The following RAB3C variants were observed in gnomAD, a reference collection of about 807,000 sequenced individuals.
RAB3C encodes the protein RAB3C, member RAS oncogene family.
Under a neutral mutation model 26.4 loss-of-function variants are expected in RAB3C, and 17 were observed. The observed-to-expected ratio is 0.64, with a 90% CI of 0.44 to 0.97. The LOEUF (loss-of-function observed/expected upper bound fraction) is 0.97. Ranked by LOEUF, RAB3C falls within the 50% of genes least tolerant of loss-of-function variation. The pLI, the probability that RAB3C is intolerant of heterozygous loss-of-function variation, is 0.00. For missense variants in RAB3C, 242 were observed against 281.9 expected, an observed-to-expected ratio of 0.86 and a Z score of 1.01; for synonymous variants, 91 against 95.9, an observed-to-expected ratio of 0.95 and a Z score of 0.30.
At chr5:58,634,846 G>A (rs912229398) in intron 2 of RAB3C, among the ~76,000 whole-genome samples, 7 of 152,160 alleles carry the variant, frequency 4.6e-5, no homozygotes, top group Non-Finnish European at 7.3e-5. Context: ...CTGAAGCAGT[G>A]TAGTAACAAT....
At chr5:58,592,346 T>C (rs941577773) in intron 1 of RAB3C, among the ~76,000 whole-genome samples, 12 of 152,232 alleles carry the variant, frequency 7.9e-5, no homozygotes, top group African/African-American at 2.9e-4. Flanking sequence ...TGCTATGATA[T>C]AATTTCATTT....
At chr5:58,650,368 AAG>A (rs1375878613) in intron 2 of RAB3C, among the ~76,000 whole-genome samples, 3 of 152,172 alleles carry the variant, frequency 2.0e-5, no homozygotes, top group African/African-American at 7.2e-5. Context: ...AGACAGTAAA[AAG>A]AGGGAAGGGA....
In RAB3C at chr5:58,853,454, C is replaced by G. The variant is rs1423702405; in HGVS notation, c.*2103C>G. On this transcript the variant is annotated 3_prime_UTR_variant, in exon 5 of 5. Transcript: ENST00000282878. ...AGAAAGAATATTCTGATGGCTTTTT[C>G]AGAAGGAAGGACCTTGATGTGTGTA... 6.6e-6 allele frequency: 1 copy of G among 152,120 alleles called. No individual in the cohort carries two copies. Among genetic ancestry groups the G allele is most frequent in the Admixed American group, 6.5e-5 (1 of 15,272 alleles). The allele number at this position is 152,120 out of a possible 1,614,324, so 9.4% of individuals were successfully genotyped here.
At chr5:58,654,104 G>A (rs1747713456) in intron 2 of RAB3C, among the ~76,000 whole-genome samples, 1 of 151,962 alleles carries the variant, frequency 6.6e-6, no homozygotes, top group Non-Finnish European at 1.5e-5. Flanking sequence ...TCTTCAGGTG[G>A]CACTTTTTGT....
At chr5:58,684,648 A>G (rs979726139) in intron 2 of RAB3C, among the ~76,000 whole-genome samples, 1 of 152,218 alleles carries the variant, frequency 6.6e-6, no homozygotes, top group Non-Finnish European at 1.5e-5. Context: ...TGAATTTAGC[A>G]GCTCATATAG....
intron 1 of RAB3C, among the ~76,000 whole-genome samples, chr5:58,611,060 T>C (rs1746690069): frequency 6.6e-6 from 1 of 152,118 alleles, no homozygotes; most frequent in African/African-American, 2.4e-5. Flanking sequence ...TCCAGCTCCA[T>C]CCCATGTTCC....
At chr5:58,754,285 A>G (rs1050605595) in intron 3 of RAB3C, among the ~76,000 whole-genome samples, 2 of 152,220 alleles carry the variant, frequency 1.3e-5, no homozygotes, top group African/African-American at 4.8e-5. Flanking sequence ...GTCACTAAAT[A>G]ATGTATGTAA....
intron 2 of RAB3C, among the ~76,000 whole-genome samples, chr5:58,658,478 C>G (rs117775710): frequency 6.6e-6 from 1 of 152,142 alleles, no homozygotes. Flanking sequence ...TACTTTTAAA[C>G]AATCAATAGA....
intron 3 of RAB3C, among the ~76,000 whole-genome samples, chr5:58,817,924 C>A (rs1579935544): frequency 6.6e-6 from 1 of 152,222 alleles, no homozygotes; most frequent in Middle Eastern, 3.4e-3. Context: ...CCAAAGCTCC[C>A]AAATATTAAA....
chr5:58,831,076 C>T (rs1475630011), intron 4 of RAB3C, among the ~76,000 whole-genome samples: 2 of 152,100 alleles, frequency 1.3e-5, no homozygotes, highest in African/African-American at 4.8e-5. Flanking sequence ...AGGGTCTTCA[C>T]TATGTCACCC....
At chr5:58,804,849 T>G (rs1489033312) in intron 3 of RAB3C, among the ~76,000 whole-genome samples, 1 of 151,898 alleles carries the variant, frequency 6.6e-6, no homozygotes, top group Non-Finnish European at 1.5e-5. Flanking sequence ...TAATCAATAG[T>G]TTGTGCTAGT....
intron 3 of RAB3C, among the ~76,000 whole-genome samples, chr5:58,793,531 CAAA>C (rs55868904): frequency 1.4e-5 from 1 of 68,992 alleles, no homozygotes. Context: ...CACTCCACCT[CAAA>C]AAAAAAAAAA....
chr5:58,588,325 G>C (rs1411570294), intron 1 of RAB3C, among the ~76,000 whole-genome samples: 1 of 152,124 alleles, frequency 6.6e-6, no homozygotes, highest in African/African-American at 2.4e-5. Context: ...CACCAGCAAT[G>C]TATGAGAGAG....
intron 2 of RAB3C, among the ~76,000 whole-genome samples, chr5:58,684,234 G>A (rs1342902509): frequency 6.6e-6 from 1 of 152,194 alleles, no homozygotes; most frequent in Non-Finnish European, 1.5e-5. Flanking sequence ...TATCCAGGAG[G>A]ATCTGCGTAA....
intron 3 of RAB3C, among the ~76,000 whole-genome samples, chr5:58,737,636 A>G (rs1741179563): frequency 6.6e-6 from 1 of 151,878 alleles, no homozygotes; most frequent in South Asian, 2.1e-4. Flanking sequence ...TGAGAATTAT[A>G]TAAGACTGGA....
chr5:58,639,610 AC>A (rs768036702), intron 2 of RAB3C, among the ~76,000 whole-genome samples: 2 of 152,116 alleles, frequency 1.3e-5, no homozygotes, highest in Non-Finnish European at 2.9e-5. Flanking sequence ...AAGCCTGTTT[AC>A]CTTCCACAGG....
At chr5:58,668,217 T>C (rs191422980) in intron 2 of RAB3C, among the ~76,000 whole-genome samples, 151 of 152,302 alleles carry the variant, frequency 9.9e-4, no homozygotes, top group African/African-American at 3.4e-3. Flanking sequence ...GTTCCTTCCT[T>C]TCCTCTTCAG....
intron 3 of RAB3C, among the ~76,000 whole-genome samples, chr5:58,756,046 C>T (rs1361603809): frequency 6.6e-6 from 1 of 151,512 alleles, no homozygotes; most frequent in Non-Finnish European, 1.5e-5. Context: ...AGATAAGTTG[C>T]AAATATAAAA....
rs146298440 is a variant in RAB3C, at chr5:58,754,382, T to C, written c.371+28262T>C. Among the ~76,000 whole-genome samples the C allele has an allele frequency of 9.8e-4, 150 of 152,320 alleles. No homozygotes were observed. In the East Asian group the frequency reaches 0.028, roughly 28 times the overall value. On this transcript the variant is annotated intron_variant, in intron 3 of 4. Transcript: ENST00000282878. Reference sequence around the variant, plus strand: ...GGGGGCTGAGTCTTGTTTTTGTTTCTAGTTCAGCCTTTCCTAACCCAGGTA... The same window carrying C: ...GGGGGCTGAGTCTTGTTTTTGTTTCCAGTTCAGCCTTTCCTAACCCAGGTA...
Sources: allele counts gnomAD v4.1 joint callset (sites outside exome capture counted in the v4.1 genomes callset), GRCh38; gene constraint gnomAD v4.1.1; transcripts MANE v1.5; gene names NCBI Gene and HGNC (gene_info 2026-07-23, HGNC 2026-07-21).